Variants in SLC22A16 observed in about 807,000 individuals in gnomAD.
SLC22A16 encodes WUGSC:RG331P03.1.
In SLC22A16, 53 loss-of-function variants were observed where a neutral mutation model predicts 52.9. The ratio of observed to expected loss-of-function variants is 1.00; its 90% CI spans 0.80 to 1.26. The LOEUF (loss-of-function observed/expected upper bound fraction) is 1.26, where lower values mean the gene tolerates loss of function less well. Among genes scored for constraint, SLC22A16 ranks in the 50% most tolerant of loss-of-function variants. The pLI, the probability that SLC22A16 is intolerant of heterozygous loss-of-function variation, is 0.00. For missense variants in SLC22A16, 726 were observed against 704.0 expected (o/e 1.03, Z -0.35); for synonymous variants, 291 against 268.8 (o/e 1.08, Z -0.81).
chr6:110,446,732 T>G (rs1024142120), intron 3 of SLC22A16, 141 bp downstream of exon 3: 3 of 747,180 alleles, frequency 4.0e-6, no homozygotes, highest in Non-Finnish European at 6.7e-6. Context: ...ATTGGTATTC[T>G]GTAGGCAGAC....
chr6:110,432,546 T>C (rs1310915241), intron 6 of SLC22A16, among the ~76,000 whole-genome samples: 2 of 152,340 alleles, frequency 1.3e-5, no homozygotes, highest in Non-Finnish European at 2.9e-5. Context: ...AAGCTTTTCC[T>C]GGCTGAGCAG....
At chr6:110,436,719 A>C (rs188459188) in intron 5 of SLC22A16, among the ~76,000 whole-genome samples, 2 of 152,194 alleles carry the variant, frequency 1.3e-5, no homozygotes, top group East Asian at 3.8e-4. Flanking sequence ...TCTTCAGAAA[A>C]TATTTGAAAG....
intron 7 of SLC22A16, among the ~76,000 whole-genome samples, chr6:110,427,230 A>G (rs1394375976): frequency 6.8e-6 from 1 of 147,316 alleles, no homozygotes; most frequent in African/African-American, 2.5e-5. Context: ...CCTCAGTGAC[A>G]GAGTGAGACC....
intron 2 of SLC22A16, 44 bp downstream of exon 2, chr6:110,456,494 A>G (rs1473076244): frequency 1.3e-6 from 2 of 1,576,302 alleles, no homozygotes; most frequent in African/African-American, 2.7e-5. Context: ...AGATAGGAAA[A>G]TAAACCCTAC....
chr6:110,430,933 T>A (rs1774474304), intron 7 of SLC22A16, among the ~76,000 whole-genome samples: 1 of 152,280 alleles, frequency 6.6e-6, no homozygotes, highest in East Asian at 1.9e-4. Context: ...TGCCCTTTTG[T>A]GGCAGGCAGA....
In SLC22A16 at chr6:110,435,933, G is replaced by T. The variant is rs767704204; in HGVS notation, c.1340C>A (p.Ala447Asp). ...CCCGATGGCAAATTTTCCAACCATA[G>T]CTGTCACCACACCCAAAATATAATG... is the stretch of plus-strand genomic sequence containing the variant. ...QKHYILGVVT[A>D]MVGKFAIGAA... Residue 447 changes from alanine to aspartate, a missense_variant, in exon 6 of 8, where the codon GCT (alanine) becomes GAT (aspartate). By Grantham distance (126) the Ala-to-Asp change is moderately radical. Coordinates refer to ENST00000368919, the MANE Select transcript of SLC22A16 (RefSeq NM_033125.4). The T allele has an allele frequency of 6.2e-7, 1 of 1,613,800 alleles. No homozygotes were observed. Among genetic ancestry groups the T allele is most frequent in the South Asian group, 1.1e-5 (1 of 91,058 alleles).
chr6:110,459,119 A>AGC (rs1284742556), intron 1 of SLC22A16, among the ~76,000 whole-genome samples: 1 of 152,174 alleles, frequency 6.6e-6, no homozygotes, highest in Non-Finnish European at 1.5e-5. Context: ...AGAAGAGACC[A>AGC]ATCTTTCTTA....
At chr6:110,453,562 T>C (rs1775465769) in intron 2 of SLC22A16, 1 of 453,136 alleles carries the variant, frequency 2.2e-6, no homozygotes, top group Non-Finnish European at 4.4e-6. Flanking sequence ...AGCATCTTTG[T>C]CTCAGGTCCT....
chr6:110,448,685 C>A (rs1320450231), intron 2 of SLC22A16, among the ~76,000 whole-genome samples: 1 of 152,168 alleles, frequency 6.6e-6, no homozygotes, highest in Admixed American at 6.5e-5. Flanking sequence ...ACCCTCTCTC[C>A]CACCTCAAAC....
At chr6:110,473,972 G>T (rs550464360) in intron 1 of SLC22A16, among the ~76,000 whole-genome samples, 15 of 152,218 alleles carry the variant, frequency 9.9e-5, no homozygotes, top group African/African-American at 3.4e-4. Flanking sequence ...GTTAGAAACT[G>T]GACCACACAG....
chr6:110,463,598 T>C (rs1328998655), intron 1 of SLC22A16, among the ~76,000 whole-genome samples: 1 of 146,568 alleles, frequency 6.8e-6, no homozygotes, highest in African/African-American at 2.5e-5. Context: ...TTAACTATCC[T>C]AAATACATAT....
chr6:110,467,508 A>C (rs1168284666), intron 1 of SLC22A16, among the ~76,000 whole-genome samples: 1 of 152,216 alleles, frequency 6.6e-6, no homozygotes, highest in African/African-American at 2.4e-5. Flanking sequence ...CAGTCACTTT[A>C]GTATCTCCTG....
chr6:110,455,188 C>A (rs942695751), intron 2 of SLC22A16, among the ~76,000 whole-genome samples: 1 of 150,350 alleles, frequency 6.7e-6, no homozygotes, highest in Non-Finnish European at 1.5e-5. Context: ...TGTACTCTGA[C>A]TGTGTTATAA....
chr6:110,455,505 G>C (rs1775613096), intron 2 of SLC22A16: 1 of 152,076 alleles, frequency 6.6e-6, no homozygotes, highest in Non-Finnish European at 1.5e-5. Context: ...ATTGTCTTTA[G>C]GTCCTCAGTG....
At chr6:110,456,348 C>A (rs1775650363) in intron 2 of SLC22A16, 190 bp downstream of exon 2, 1 of 749,208 alleles carries the variant, frequency 1.3e-6, no homozygotes, top group Non-Finnish European at 2.1e-6. Flanking sequence ...GGATTTGGAT[C>A]TAGGTATACT....
chr6:110,433,301 A>C (rs9400392), intron 6 of SLC22A16, among the ~76,000 whole-genome samples: 5 of 152,194 alleles, frequency 3.3e-5, no homozygotes, highest in East Asian at 1.9e-4. Flanking sequence ...CCATCCCTCC[A>C]TCCATCCATC....
At chr6:110,425,682 G>A (rs1774233271) in intron 7 of SLC22A16, among the ~76,000 whole-genome samples, 1 of 152,240 alleles carries the variant, frequency 6.6e-6, no homozygotes, top group African/African-American at 2.4e-5. Context: ...ATACAGTTCG[G>A]TGTGATTTCT....
chr6:110,475,389 G>A (rs1172996513), intron 1 of SLC22A16, among the ~76,000 whole-genome samples: 3 of 152,188 alleles, frequency 2.0e-5, no homozygotes, highest in African/African-American at 7.2e-5. Flanking sequence ...CTGTAGTGAA[G>A]ATTAAAGGAA....
chr6:110,433,294 T>C lies in SLC22A16; in HGVS notation c.1422-2024A>G, dbSNP rs541767114. Among the ~76,000 whole-genome samples the C allele has an allele frequency of 3.6e-4, 55 of 152,284 alleles. No homozygotes were observed. In the South Asian group the frequency reaches 0.011, roughly 31 times the overall value. ...CCTACTCTATCTATCCATTCTTCCA[T>C]CCCTCCATCCATCCATCCATCCATC... On this transcript the variant is annotated intron_variant, in intron 6 of 7. Coordinates refer to ENST00000368919, the MANE Select transcript of SLC22A16 (RefSeq NM_033125.4).
Sources: gnomAD v4.1 joint callset for allele counts (sites outside exome capture counted in the v4.1 genomes callset) on GRCh38, gnomAD v4.1.1 for gene constraint, MANE v1.5 for transcripts, NCBI Gene and HGNC (gene_info 2026-07-23, HGNC 2026-07-21) for gene names.